TMEM117: variants seen among roughly 807,000 people sequenced by gnomAD.
TMEM117 encodes transmembrane protein 117.
Under a neutral mutation model 52.4 loss-of-function variants are expected in TMEM117, and 27 were observed. That is an observed-to-expected ratio of 0.51 (90% CI 0.38 to 0.71). TMEM117 has a LOEUF of 0.71. Among genes scored for constraint, TMEM117 ranks in the 30% least tolerant of loss-of-function variants. The probability of loss-of-function intolerance (pLI) is 0.00; values close to 1 mark genes in which losing one functional copy is unlikely to be tolerated. For synonymous variants in TMEM117, 215 were observed against 206.3 expected (o/e 1.04, Z -0.36); for missense variants, 556 against 630.5 (o/e 0.88, Z 1.26).
intron 2 of TMEM117, among the ~76,000 whole-genome samples, chr12:43,923,516 T>G (rs1015685459): frequency 3.3e-5 from 5 of 152,106 alleles, no homozygotes; most frequent in African/African-American, 1.2e-4. Context: ...TTACAATGAG[T>G]CAGTATTTTT....
At chr12:43,943,102 C>T (rs1019431804) in intron 2 of TMEM117, among the ~76,000 whole-genome samples, 3 of 137,566 alleles carry the variant, frequency 2.2e-5, no homozygotes, top group Non-Finnish European at 3.0e-5. Context: ...CACTTGAACC[C>T]GAGAGGCGGA....
intron 3 of TMEM117, among the ~76,000 whole-genome samples, chr12:44,036,881 A>G (rs566016270): frequency 5.3e-5 from 8 of 152,294 alleles, no homozygotes; most frequent in African/African-American, 1.4e-4. Context: ...ATTTTTACCC[A>G]TTTATGTAAT....
chr12:43,926,969 G>C (rs1944789323), intron 2 of TMEM117, among the ~76,000 whole-genome samples: 1 of 151,728 alleles, frequency 6.6e-6, no homozygotes, highest in South Asian at 2.1e-4. Context: ...CTTTCTATGA[G>C]TTTATTACCT....
At chr12:43,864,866 C>T (rs1308012518) in intron 2 of TMEM117, among the ~76,000 whole-genome samples, 1 of 152,248 alleles carries the variant, frequency 6.6e-6, no homozygotes, top group African/African-American at 2.4e-5. Flanking sequence ...CTGTTTGGGT[C>T]CACACTGCCT....
rs368609744 is a variant in TMEM117, at chr12:43,892,697, A to C, written c.277+47769A>C. Among the ~76,000 whole-genome samples the C allele has an allele frequency of 5.9e-5, 9 of 152,360 alleles. No homozygotes were observed. In the East Asian group the frequency reaches 1.5e-3, roughly 26 times the overall value. On this transcript the variant is annotated intron_variant, in intron 2 of 7. Transcript: ENST00000266534. Reference sequence around the variant, plus strand: ...GATATTTATTGGAAATCTGCAATGTATCAGCCACTATTTTAGATACTGGGG... The same window carrying C: ...GATATTTATTGGAAATCTGCAATGTCTCAGCCACTATTTTAGATACTGGGG...
intron 2 of TMEM117, among the ~76,000 whole-genome samples, chr12:43,861,391 C>T (rs767997527): frequency 1.3e-5 from 2 of 152,274 alleles, no homozygotes; most frequent in East Asian, 1.9e-4. Flanking sequence ...CTAGATCAGG[C>T]GCATGAAAAT....
chr12:44,211,439 A>T, intron 5 of TMEM117, 52 bp downstream of exon 5: 1 of 1,284,152 alleles, frequency 7.8e-7, no homozygotes, highest in Non-Finnish European at 1.1e-6. Context: ...TCACTGAAGG[A>T]CTTTAGTTGG....
intron 3 of TMEM117, among the ~76,000 whole-genome samples, chr12:43,995,656 A>G (rs970761899): frequency 2.0e-5 from 3 of 152,176 alleles, no homozygotes; most frequent in African/African-American, 7.2e-5. Flanking sequence ...TGTACCCAAT[A>G]TGTAGTCTTT....
chr12:43,872,573 A>G (rs1943724974), intron 2 of TMEM117, among the ~76,000 whole-genome samples: 1 of 152,228 alleles, frequency 6.6e-6, no homozygotes, highest in Admixed American at 6.5e-5. Context: ...CCAGAGAATT[A>G]GCTTATTCAA....
intron 5 of TMEM117, among the ~76,000 whole-genome samples, chr12:44,228,924 T>C (rs1949899035): frequency 6.6e-6 from 1 of 152,146 alleles, no homozygotes; most frequent in African/African-American, 2.4e-5. Flanking sequence ...ATGATTGCTC[T>C]AGTTGCTGTA....
intron 3 of TMEM117, among the ~76,000 whole-genome samples, chr12:44,094,768 G>A (rs995291430): frequency 6.6e-6 from 1 of 151,886 alleles, no homozygotes; most frequent in African/African-American, 2.4e-5. Flanking sequence ...TGCAAATTAG[G>A]GAAATAACTT....
intron 4 of TMEM117, among the ~76,000 whole-genome samples, chr12:44,157,358 A>AT (rs761546218): frequency 1.4e-5 from 2 of 145,090 alleles, no homozygotes; most frequent in Non-Finnish European, 2.9e-5. Context: ...ATGTGGAATT[A>AT]TGACTGCTAA....
At chr12:44,182,355 C>A (rs1248377736) in intron 4 of TMEM117, among the ~76,000 whole-genome samples, 2 of 152,108 alleles carry the variant, frequency 1.3e-5, no homozygotes, top group African/African-American at 2.4e-5. Flanking sequence ...TTTCCTTCTC[C>A]TGCCTAATTG....
At chr12:44,050,397 G>A (rs533477493) in intron 3 of TMEM117, among the ~76,000 whole-genome samples, 7 of 152,194 alleles carry the variant, frequency 4.6e-5, no homozygotes, top group South Asian at 2.1e-4. Flanking sequence ...GGCTGGTCTC[G>A]AACGCCTGAC....
At chr12:44,335,844 G>A (rs12423751) in intron 6 of TMEM117, among the ~76,000 whole-genome samples, 15,146 of 151,942 alleles carry the variant, frequency 0.1, 1,194 homozygotes, top group East Asian at 0.24. Context: ...TACATTAATT[G>A]TCTTATGTAT....
At chr12:43,811,059 G>A in the TMEM117 span, among the ~76,000 whole-genome samples, 13 of 152,214 alleles carry the variant, frequency 8.5e-5, no homozygotes, top group African/African-American at 2.9e-4. Context: ...GAGATAGACT[G>A]TTGCTACACA....
chr12:44,149,943 C>G (rs1948697333), intron 4 of TMEM117, among the ~76,000 whole-genome samples: 1 of 152,138 alleles, frequency 6.6e-6, no homozygotes, highest in Non-Finnish European at 1.5e-5. Flanking sequence ...TGAGCAAACT[C>G]ATTGGACACA....
rs145399505 is a variant in TMEM117, at chr12:44,214,772, A to G, written c.608+3385A>G. 2.4e-3 allele frequency among the ~76,000 whole-genome samples: 358 copies of G among 152,278 alleles called. 12 individuals carry two copies. The East Asian group carries it at 0.035, about 15-fold the overall frequency. On this transcript the variant is annotated intron_variant, in intron 5 of 7. Coordinates refer to ENST00000266534, the MANE Select transcript of TMEM117 (RefSeq NM_032256.3). Reference sequence around the variant, plus strand: ...TTTAAAATTTTTTTCCATTTTATCCATTTCTATACATTTAGATTATCTTGA... The same window carrying G: ...TTTAAAATTTTTTTCCATTTTATCCGTTTCTATACATTTAGATTATCTTGA...
intron 3 of TMEM117, among the ~76,000 whole-genome samples, chr12:43,952,815 A>G (rs540217648): frequency 6.6e-6 from 1 of 152,130 alleles, no homozygotes; most frequent in Admixed American, 6.5e-5. Flanking sequence ...TACTCCATGA[A>G]AAGATCTACT....
Sources: allele counts gnomAD v4.1 joint callset (sites outside exome capture counted in the v4.1 genomes callset), GRCh38; gene constraint gnomAD v4.1.1; transcripts MANE v1.5; gene names NCBI Gene and HGNC (gene_info 2026-07-23, HGNC 2026-07-21).